The following CDK14 variants were observed in gnomAD, a reference collection of about 807,000 sequenced individuals.
CDK14 encodes cyclin-dependent kinase 14.
Under a neutral mutation model 60.7 loss-of-function variants are expected in CDK14, and 34 were observed. The observed-to-expected ratio is 0.56, with a 90% CI of 0.43 to 0.75. The LOEUF (loss-of-function observed/expected upper bound fraction) is 0.75. Among genes scored for constraint, CDK14 ranks in the 30% least tolerant of loss-of-function variants. The pLI, the probability that CDK14 is intolerant of heterozygous loss-of-function variation, is 0.00. For synonymous variants in CDK14, 197 were observed against 203.7 expected (o/e 0.97, Z 0.28); for missense variants, 482 against 564.1 (o/e 0.85, Z 1.47).
chr7:91,005,982 T>C (rs1584222582), intron 10 of CDK14, among the ~76,000 whole-genome samples: 1 of 152,196 alleles, frequency 6.6e-6, no homozygotes, highest in Non-Finnish European at 1.5e-5. Flanking sequence ...AGACACCCAG[T>C]CTTGTCCTGG....
intron 10 of CDK14, among the ~76,000 whole-genome samples, chr7:91,028,764 T>G (rs1796676631): frequency 6.6e-6 from 1 of 152,228 alleles, no homozygotes. Flanking sequence ...TGTCCACTTT[T>G]AATGGGATTA....
intron 12 of CDK14, among the ~76,000 whole-genome samples, chr7:91,096,065 C>CAAAA (rs112016367): frequency 0.037 from 2,379 of 64,412 alleles, 261 homozygotes; most frequent in Middle Eastern, 0.11. Flanking sequence ...CACAATTTGC[C>CAAAA]AAAAAAAAAA....
chr7:90,722,652 C>T (rs889726692), intron 2 of CDK14, among the ~76,000 whole-genome samples: 2 of 151,820 alleles, frequency 1.3e-5, no homozygotes, highest in Non-Finnish European at 2.9e-5. Flanking sequence ...GGAAAGGCGG[C>T]CCTCTTCTGT....
intron 4 of CDK14, among the ~76,000 whole-genome samples, chr7:90,771,307 T>C (rs138415345): frequency 1.3e-5 from 2 of 152,330 alleles, no homozygotes; most frequent in African/African-American, 4.8e-5. Context: ...TCCTCATATA[T>C]ATGAACTTAT....
intron 3 of CDK14, among the ~76,000 whole-genome samples, chr7:90,729,815 A>G (rs904587872): frequency 3.7e-4 from 56 of 152,016 alleles, no homozygotes; most frequent in African/African-American, 1.3e-3. Context: ...GCAGGATGCT[A>G]TAATATCCTG....
chr7:90,668,587 T>C (rs1801030875), intron 2 of CDK14, among the ~76,000 whole-genome samples: 1 of 151,252 alleles, frequency 6.6e-6, no homozygotes, highest in Non-Finnish European at 1.5e-5. Context: ...TAATCTGAGA[T>C]CAGATAGATT....
At chr7:90,916,168 G>C (rs1209789079) in intron 7 of CDK14, among the ~76,000 whole-genome samples, 1 of 151,988 alleles carries the variant, frequency 6.6e-6, no homozygotes, top group Non-Finnish European at 1.5e-5. Context: ...TAAGCTTTAG[G>C]CTTCAGGATG....
chr7:90,823,053 G>A (rs1416563003), intron 5 of CDK14, among the ~76,000 whole-genome samples: 1 of 152,126 alleles, frequency 6.6e-6, no homozygotes, highest in Non-Finnish European at 1.5e-5. Context: ...CTTCCCAGTA[G>A]TACTAATTAG....
chr7:90,962,790 A>G (rs542048664), intron 9 of CDK14, among the ~76,000 whole-genome samples: 1 of 152,268 alleles, frequency 6.6e-6, no homozygotes, highest in South Asian at 2.1e-4. Context: ...TCATGACATT[A>G]TTATAACCCT....
At chr7:91,194,173 G>T (rs1291805299) in intron 14 of CDK14, among the ~76,000 whole-genome samples, 1 of 152,148 alleles carries the variant, frequency 6.6e-6, no homozygotes, top group African/African-American at 2.4e-5. Context: ...AGAGAGACAA[G>T]ATTTAGCTAT....
chr7:90,660,230 A>C, intron 2 of CDK14, among the ~76,000 whole-genome samples: 1 of 152,150 alleles, frequency 6.6e-6, no homozygotes, highest in African/African-American at 2.4e-5. Flanking sequence ...CCTGGGGTCA[A>C]ATATTGGCTC....
chr7:90,656,932 A>G (rs552066237), intron 2 of CDK14, among the ~76,000 whole-genome samples: 1 of 152,356 alleles, frequency 6.6e-6, no homozygotes, highest in Non-Finnish European at 1.5e-5. Context: ...ACTTAGGCTA[A>G]AATATGACAC....
intron 5 of CDK14, among the ~76,000 whole-genome samples, chr7:90,813,541 C>T (rs182083714): frequency 4.7e-4 from 71 of 151,914 alleles, no homozygotes; most frequent in African/African-American, 1.4e-3. Flanking sequence ...TGAGGTCAGA[C>T]GTTTGAGACC....
At chr7:91,064,125 G>A (rs749081808) in intron 11 of CDK14, among the ~76,000 whole-genome samples, 2 of 152,196 alleles carry the variant, frequency 1.3e-5, no homozygotes, top group Non-Finnish European at 2.9e-5. Context: ...ACTTAAAAAG[G>A]TAAGGCACTC....
intron 4 of CDK14, among the ~76,000 whole-genome samples, chr7:90,760,822 G>T (rs931198185): frequency 6.6e-6 from 1 of 152,208 alleles, no homozygotes; most frequent in Non-Finnish European, 1.5e-5. Flanking sequence ...GGGATTTTCC[G>T]ATCTGTGTTC....
intron 10 of CDK14, among the ~76,000 whole-genome samples, chr7:90,996,653 G>A (rs190836248): frequency 7.2e-5 from 11 of 152,316 alleles, no homozygotes; most frequent in African/African-American, 2.6e-4. Flanking sequence ...TCCAGGTAAT[G>A]TGTATGTATG....
chr7:91,032,002 C>T (rs907843523), intron 10 of CDK14, among the ~76,000 whole-genome samples: 7 of 152,108 alleles, frequency 4.6e-5, no homozygotes, highest in East Asian at 3.9e-4. Flanking sequence ...GTGAGTCAAT[C>T]GAGATGAATT....
At chr7:90,821,221 A>T (rs1174555927) in intron 5 of CDK14, among the ~76,000 whole-genome samples, 1 of 152,202 alleles carries the variant, frequency 6.6e-6, no homozygotes, top group Non-Finnish European at 1.5e-5. Context: ...TTATTGGAGA[A>T]TGATTCAGGA....
At chr7:90,942,970 C>T (rs2117516754) in intron 8 of CDK14, among the ~76,000 whole-genome samples, 1 of 152,114 alleles carries the variant, frequency 6.6e-6, no homozygotes, top group East Asian at 1.9e-4. Context: ...ATACTTCTGC[C>T]TGTCAAGGTT....
Sources: allele counts gnomAD v4.1 joint callset (sites outside exome capture counted in the v4.1 genomes callset), GRCh38; gene constraint gnomAD v4.1.1; transcripts MANE v1.5; gene names NCBI Gene and HGNC (gene_info 2026-07-23, HGNC 2026-07-21).